Variants in IGSF21 observed in about 807,000 individuals in gnomAD.
The protein encoded by IGSF21 is immunoglobulin superfamily member 21.
A neutral mutation model predicts 46.8 loss-of-function variants in IGSF21; 28 were observed. That is an observed-to-expected ratio of 0.60 (90% CI 0.44 to 0.82). IGSF21 has a LOEUF of 0.82. Among genes scored for constraint, IGSF21 ranks in the 40% least tolerant of loss-of-function variants. The pLI, the probability that IGSF21 is intolerant of heterozygous loss-of-function variation, is 0.00. For synonymous variants in IGSF21, 284 were observed against 273.6 expected, an observed-to-expected ratio of 1.04 and a Z score of -0.38; for missense variants, 624 against 665.5, an observed-to-expected ratio of 0.94 and a Z score of 0.69.
chr1:18,342,063 TTTTTTGTTTG>T (rs763696443), intron 4 of IGSF21, among the ~76,000 whole-genome samples: 3 of 150,526 alleles, frequency 2.0e-5, no homozygotes, highest in African/African-American at 4.9e-5. Flanking sequence ...TGTTTTTTTT[TTTTTTGTTTG>T]TTTGTTTGTT....
chr1:18,301,241 G>C (rs910559479), intron 3 of IGSF21, among the ~76,000 whole-genome samples: 14 of 152,198 alleles, frequency 9.2e-5, no homozygotes, highest in South Asian at 6.2e-4. Flanking sequence ...GCACTCCATG[G>C]GCCATTGGAG....
At chr1:18,235,397 A>G (rs1336983123) in intron 2 of IGSF21, among the ~76,000 whole-genome samples, 2 of 152,242 alleles carry the variant, frequency 1.3e-5, no homozygotes, top group African/African-American at 4.8e-5. Context: ...ACAAATAAGG[A>G]AGATACCAGC....
chr1:18,196,701 G>A (rs141381548), intron 1 of IGSF21, among the ~76,000 whole-genome samples: 18 of 152,276 alleles, frequency 1.2e-4, no homozygotes, highest in Admixed American at 5.9e-4. Flanking sequence ...TTTGATAGAC[G>A]AAGAAACTGA....
rs2085612195 is a variant in IGSF21, at chr1:18,322,401, T to C, written c.306-12491T>C. Among the ~76,000 whole-genome samples, 2 of 152,042 alleles carry C rather than the reference T, an allele frequency of 1.3e-5. No homozygotes were observed. The highest frequency in any genetic ancestry group is 4.2e-4 in the South Asian group (2 of 4,812). ...GGAGGCAGGCTTGGTTCCAACAGGC[T>C]TGGGGCCTTCCTGATGCCAGCTCTC... On this transcript the variant is annotated intron_variant, in intron 3 of 9. Transcript: ENST00000251296. This position sits in a 1 kb window ranked among gnomAD's most constrained non-coding sequence, Gnocchi z 4.3.
intron 1 of IGSF21, among the ~76,000 whole-genome samples, chr1:18,117,513 A>C (rs1056808645): frequency 1.3e-5 from 2 of 152,124 alleles, no homozygotes; most frequent in African/African-American, 2.4e-5. Flanking sequence ...GGTTTCTTCA[A>C]CCGCACTTGT....
At chr1:18,123,721 G>A (rs2086253358) in intron 1 of IGSF21, among the ~76,000 whole-genome samples, 2 of 152,126 alleles carry the variant, frequency 1.3e-5, no homozygotes, top group African/African-American at 4.8e-5. Context: ...GGATACAACA[G>A]CAAGGATAAA....
intron 3 of IGSF21, among the ~76,000 whole-genome samples, chr1:18,321,036 T>C (rs182858296): frequency 7.2e-5 from 11 of 152,350 alleles, no homozygotes; most frequent in African/African-American, 2.6e-4. Flanking sequence ...CCTGCTTTTC[T>C]AGGGGTCAAG....
intron 2 of IGSF21, among the ~76,000 whole-genome samples, chr1:18,285,330 G>A (rs1286810827): frequency 6.6e-6 from 1 of 152,148 alleles, no homozygotes; most frequent in Admixed American, 6.5e-5. Flanking sequence ...TAAGTCCACC[G>A]GCCACGCTTT....
At chr1:18,185,548 G>A (rs532550065) in intron 1 of IGSF21, among the ~76,000 whole-genome samples, 150 of 152,252 alleles carry the variant, frequency 9.9e-4, no homozygotes, top group South Asian at 2.7e-3. Flanking sequence ...AGACAGCTGG[G>A]GTATTGTTAC....
At chr1:18,239,759 C>G (rs558573862) in intron 2 of IGSF21, among the ~76,000 whole-genome samples, 5 of 152,288 alleles carry the variant, frequency 3.3e-5, no homozygotes, top group South Asian at 4.1e-4. Flanking sequence ...GTTGCCCCCC[C>G]TCCCCGCCAC....
intron 2 of IGSF21, among the ~76,000 whole-genome samples, chr1:18,255,431 C>A (rs1038361771): frequency 1.3e-5 from 2 of 152,098 alleles, no homozygotes; most frequent in African/African-American, 4.8e-5. Flanking sequence ...ATGGACACAT[C>A]CTCACAGGAC....
At chr1:18,280,882 C>CAGAGCCAA (rs985468173) in intron 2 of IGSF21, among the ~76,000 whole-genome samples, 1 of 152,224 alleles carries the variant, frequency 6.6e-6, no homozygotes, top group Non-Finnish European at 1.5e-5. Flanking sequence ...ACCTCCAAAG[C>CAGAGCCAA]AGGGCTCAGG....
In IGSF21 at chr1:18,174,810, C is replaced by T. The variant is rs112992015; in HGVS notation, c.71-53088C>T. ...ACACTCTGCCTGGCTTCTCCTGTGC[C>T]CTGACAGTGGTTCTTGACATAGTCT... is the stretch of plus-strand genomic sequence containing the variant. On this transcript the variant is annotated intron_variant, in intron 1 of 9. Transcript: ENST00000251296. Among the ~76,000 whole-genome samples, 697 of 152,320 alleles carry T rather than the reference C, an allele frequency of 4.6e-3. 6 individuals are homozygous for T. The highest frequency in any genetic ancestry group is 0.016 in the African/African-American group (656 of 41,578).
At chr1:18,196,041 G>A (rs1269879177) in intron 1 of IGSF21, among the ~76,000 whole-genome samples, 1 of 152,222 alleles carries the variant, frequency 6.6e-6, no homozygotes, top group African/African-American at 2.4e-5. Flanking sequence ...TGTGTGCAGA[G>A]AGACTTGGGA....
intron 6 of IGSF21, among the ~76,000 whole-genome samples, chr1:18,374,814 G>T (rs2086264479): frequency 6.6e-6 from 1 of 152,148 alleles, no homozygotes; most frequent in Non-Finnish European, 1.5e-5. Context: ...AAAGGTGGGG[G>T]TAATCCCAGG....
chr1:18,226,585 T>C (rs2124505457), intron 1 of IGSF21, among the ~76,000 whole-genome samples: 2 of 152,274 alleles, frequency 1.3e-5, no homozygotes, highest in East Asian at 3.9e-4. Flanking sequence ...GGAGGCTGGG[T>C]CCTGAAGCCT....
chr1:18,120,399 G>A (rs1168222174), intron 1 of IGSF21, among the ~76,000 whole-genome samples: 2 of 152,162 alleles, frequency 1.3e-5, no homozygotes, highest in Non-Finnish European at 2.9e-5. Context: ...CCTTGATGGT[G>A]CCACCCATTG....
At chr1:18,230,103 G>T (rs1008692856) in intron 2 of IGSF21, among the ~76,000 whole-genome samples, 1 of 152,232 alleles carries the variant, frequency 6.6e-6, no homozygotes, top group African/African-American at 2.4e-5. Flanking sequence ...AAATCTCCCT[G>T]CAGAGGCTCC....
chr1:18,271,040 A>G (rs2085037864), intron 2 of IGSF21, among the ~76,000 whole-genome samples: 2 of 152,202 alleles, frequency 1.3e-5, no homozygotes, highest in African/African-American at 4.8e-5. Context: ...GCCCAAGAGA[A>G]GCTGAAATAT....
Sources: gnomAD v4.1 joint callset for allele counts (sites outside exome capture counted in the v4.1 genomes callset) on GRCh38, gnomAD v4.1.1 for gene constraint, Gnocchi (gnomAD v3.1) non-coding constraint, MANE v1.5 for transcripts, NCBI Gene and HGNC (gene_info 2026-07-23, HGNC 2026-07-21) for gene names.